Variants in LIN7A observed in about 807,000 individuals in gnomAD.
The protein encoded by LIN7A is lin-7 cell polarity scaffold A, also known as protein lin-7 homolog A.
LIN7A carries 25 observed loss-of-function variants against 29.8 expected under a neutral mutation model. The observed-to-expected ratio is 0.84, with a 90% CI of 0.61 to 1.17. The LOEUF is 1.17. Among genes scored for constraint, LIN7A ranks in the 50% most tolerant of loss-of-function variants. LIN7A has a pLI of 0.00. For synonymous variants in LIN7A, 118 were observed against 107.5 expected (o/e 1.10, Z -0.60); for missense variants, 239 against 287.0 (o/e 0.83, Z 1.21).
intron 4 of LIN7A, among the ~76,000 whole-genome samples, chr12:80,837,674 T>C (rs1872641968): frequency 6.6e-6 from 1 of 152,168 alleles, no homozygotes. Flanking sequence ...GTGTGGTAAT[T>C]TGTTATAGCA....
chr12:80,889,188 A>C, intron 2 of LIN7A, 63 bp downstream of exon 2: 1 of 873,092 alleles, frequency 1.1e-6, no homozygotes. Context: ...TGTGTAGAGA[A>C]GACATGTTTT....
At chr12:80,907,863 G>A (rs926379635) in intron 1 of LIN7A, among the ~76,000 whole-genome samples, 3 of 152,204 alleles carry the variant, frequency 2.0e-5, no homozygotes, top group South Asian at 4.1e-4. Flanking sequence ...ATTTAAAAGT[G>A]TTCTAGACAT....
chr12:80,880,975 C>T (rs1272351476), intron 2 of LIN7A, among the ~76,000 whole-genome samples: 1 of 152,046 alleles, frequency 6.6e-6, no homozygotes, highest in Non-Finnish European at 1.5e-5. Flanking sequence ...AACAGAGGTG[C>T]TATTAATTTT....
intron 1 of LIN7A, among the ~76,000 whole-genome samples, chr12:80,893,655 G>C (rs1875739267): frequency 6.6e-6 from 1 of 152,190 alleles, no homozygotes; most frequent in African/African-American, 2.4e-5. Flanking sequence ...AACTAAGTAA[G>C]GAAGGCTCTG....
At chr12:80,866,478 T>C (rs1346827133) in intron 2 of LIN7A, among the ~76,000 whole-genome samples, 5 of 152,220 alleles carry the variant, frequency 3.3e-5, no homozygotes, top group Non-Finnish European at 7.3e-5. Flanking sequence ...TTTTTGTTGT[T>C]TCAGTTATGA....
intron 4 of LIN7A, among the ~76,000 whole-genome samples, chr12:80,819,170 T>A (rs1871678372): frequency 6.6e-6 from 1 of 152,174 alleles, no homozygotes; most frequent in Admixed American, 6.5e-5. Context: ...CTATTATTGT[T>A]GTTAATCTCT....
intron 5 of LIN7A, among the ~76,000 whole-genome samples, chr12:80,810,526 G>T (rs1871237464): frequency 6.6e-6 from 1 of 151,004 alleles, no homozygotes; most frequent in South Asian, 2.1e-4. Context: ...TCATATCTTA[G>T]CTGTTGTAAT....
Position 80,854,485 on chromosome 12 carries a change from CCAAAAAAAAA to C in LIN7A, c.202-6173_202-6164del, listed in dbSNP as rs1197459912. The stretch of plus-strand genomic sequence containing the variant: ...TGAATCTGAAATGCATGTTGCTAAG[CCAAAAAAAAA>C]AAAAAAAAAAAAAGCCAGACATTAT... On this transcript the variant is annotated intron_variant, in intron 2 of 5. Coordinates refer to ENST00000552864, the MANE Select transcript of LIN7A (RefSeq NM_004664.4). Among the ~76,000 whole-genome samples, 146 of 37,116 alleles carry C rather than the reference CCAAAAAAAAA, an allele frequency of 3.9e-3. 2 individuals are homozygous for C. Among genetic ancestry groups the C allele is most frequent in the African/African-American group, 0.014 (144 of 10,636 alleles). 24.3% of individuals were successfully genotyped at this position (37,116 alleles called of 152,430 possible). A position where few individuals can be genotyped will look rare whatever the true frequency, so the allele number is the denominator to read the frequency against.
chr12:80,931,378 T>C (rs1476474296), intron 1 of LIN7A, among the ~76,000 whole-genome samples: 3 of 152,200 alleles, frequency 2.0e-5, no homozygotes, highest in Non-Finnish European at 4.4e-5. Flanking sequence ...CAGTGGCTCT[T>C]GCTTGTCATT....
intron 2 of LIN7A, among the ~76,000 whole-genome samples, chr12:80,888,714 A>G (rs1052078726): frequency 6.6e-6 from 1 of 152,170 alleles, no homozygotes; most frequent in Non-Finnish European, 1.5e-5. Flanking sequence ...ACAAAATTCA[A>G]ATAGTCATTT....
Position 80,811,419 on chromosome 12 carries a change from G to GTA in LIN7A, c.*44_*45dup, listed in dbSNP as rs138290894. The GTA allele has an allele frequency of 9.7e-3, 5,655 of 580,038 alleles. 13 individuals carry two copies. Among genetic ancestry groups the GTA allele is most frequent in the African/African-American group, 0.018 (851 of 47,408 alleles). 35.9% of individuals were successfully genotyped at this position (580,038 alleles called of 1,614,324 possible). ...TTCATATATACATATATGTGTGTGT[G>GTA]TATATATATATATATACTCCTTGTA... On this transcript the variant is annotated intron_variant, in intron 5 of 5. Transcript: ENST00000552864.
intron 1 of LIN7A, among the ~76,000 whole-genome samples, chr12:80,921,376 C>G (rs1415618790): frequency 6.8e-6 from 1 of 146,468 alleles, no homozygotes; most frequent in Non-Finnish European, 1.5e-5. Flanking sequence ...ATGCCATACA[C>G]TGAGTGGCTT....
chr12:80,896,861 T>C (rs1875928215), intron 1 of LIN7A, among the ~76,000 whole-genome samples: 1 of 152,196 alleles, frequency 6.6e-6, no homozygotes, highest in Non-Finnish European at 1.5e-5. Flanking sequence ...ATGAACAATA[T>C]ATGATACAAA....
chr12:80,811,588 C>T lies in LIN7A; in HGVS notation c.579G>A (p.Leu193=). ...TTTCAAAGCGAGCCTCCATTTCTTC[C>T]AGAACTTTTGGGGTGTATCGCACCA... is the stretch of plus-strand genomic sequence containing the variant. ...KLVVRYTPKV[L]EEMEARFEKL... The change falls in exon 5 of 6, where the codon CTG becomes CTA. Residue 193 remains leucine (L), a synonymous_variant. Coordinates refer to ENST00000552864, the MANE Select transcript of LIN7A (RefSeq NM_004664.4). 1 of 1,613,934 alleles carries T rather than the reference C, an allele frequency of 6.2e-7. No individual in the cohort carries two copies. The highest frequency in any genetic ancestry group is 8.5e-7 in the Non-Finnish European group (1 of 1,179,918).
chr12:80,812,993 C>T (rs372608303), intron 4 of LIN7A, among the ~76,000 whole-genome samples: 8 of 151,988 alleles, frequency 5.3e-5, no homozygotes, highest in Admixed American at 2.0e-4. Flanking sequence ...AAGTATAGAC[C>T]GACATAAAAA....
chr12:80,923,382 A>G (rs1006496167), intron 1 of LIN7A, among the ~76,000 whole-genome samples: 2 of 152,054 alleles, frequency 1.3e-5, no homozygotes, highest in Non-Finnish European at 2.9e-5. Flanking sequence ...TCTTAAATTT[A>G]TAGCTGTATA....
intron 1 of LIN7A, among the ~76,000 whole-genome samples, chr12:80,912,015 T>TTTA (rs1876773935): frequency 6.6e-6 from 1 of 151,814 alleles, no homozygotes; most frequent in African/African-American, 2.4e-5. Flanking sequence ...TATTTCTCTA[T>TTTA]TAACAGATAA....
At chr12:80,908,618 A>G (rs1257311261) in intron 1 of LIN7A, among the ~76,000 whole-genome samples, 1 of 152,110 alleles carries the variant, frequency 6.6e-6, no homozygotes, top group Non-Finnish European at 1.5e-5. Flanking sequence ...TTGAGACAAT[A>G]ATGATAGAGA....
At chr12:80,820,007 A>G in intron 4 of LIN7A, among the ~76,000 whole-genome samples, 1 of 152,194 alleles carries the variant, frequency 6.6e-6, no homozygotes. Flanking sequence ...AAGAATGTTT[A>G]AAACTATCTA....
Sources: allele counts gnomAD v4.1 joint callset (sites outside exome capture counted in the v4.1 genomes callset), GRCh38; gene constraint gnomAD v4.1.1; transcripts MANE v1.5; gene names NCBI Gene and HGNC (gene_info 2026-07-23, HGNC 2026-07-21).